Variants in DHRS9 observed in about 807,000 individuals in gnomAD.
DHRS9 encodes the protein dehydrogenase/reductase 9.
In DHRS9, 18 loss-of-function variants were observed where a neutral mutation model predicts 26.6. That is an observed-to-expected ratio of 0.68 (90% CI 0.47 to 1.00). DHRS9 has a LOEUF of 1.00. Among genes scored for constraint, DHRS9 ranks in the 50% least tolerant of loss-of-function variants. DHRS9 has a pLI of 0.00. For missense variants in DHRS9, 425 were observed against 378.7 expected, an observed-to-expected ratio of 1.12 and a Z score of -1.01; for synonymous variants, 134 against 141.1, an observed-to-expected ratio of 0.95 and a Z score of 0.36.
chr2:169,081,191 G>A (rs780132884), intron 1 of DHRS9: 6 of 991,892 alleles, frequency 6.0e-6, no homozygotes, highest in South Asian at 8.6e-5. Flanking sequence ...CCTGATAGAC[G>A]AGTTCACTCC....
intron 3 of DHRS9, among the ~76,000 whole-genome samples, chr2:169,087,554 A>G (rs998763079): frequency 1.3e-5 from 2 of 152,116 alleles, no homozygotes; most frequent in African/African-American, 4.8e-5. Flanking sequence ...CTGAAGCACA[A>G]GGAGTCTCCC....
chr2:169,068,861 G>C (rs1227202689), upstream of DHRS9, among the ~76,000 whole-genome samples: 2 of 152,130 alleles, frequency 1.3e-5, no homozygotes, highest in Non-Finnish European at 2.9e-5. Flanking sequence ...AGGGTGGCAG[G>C]CTAGATTAGC....
upstream of DHRS9, among the ~76,000 whole-genome samples, chr2:169,069,122 C>T (rs1034775482): frequency 1.1e-4 from 16 of 152,058 alleles, no homozygotes; most frequent in African/African-American, 3.4e-4. Context: ...TCTCCTTGCT[C>T]GCCCATCTTA....
intron 3 of DHRS9, among the ~76,000 whole-genome samples, chr2:169,085,178 T>C (rs1373218623): frequency 1.3e-5 from 2 of 152,210 alleles, no homozygotes; most frequent in Non-Finnish European, 2.9e-5. Flanking sequence ...TTCTCTGTCC[T>C]GTTCCATTGG....
At chr2:169,079,638 G>T (rs1684081177) in intron 1 of DHRS9, among the ~76,000 whole-genome samples, 1 of 151,834 alleles carries the variant, frequency 6.6e-6, no homozygotes, top group Non-Finnish European at 1.5e-5. Context: ...TGGATCACCT[G>T]AGGCCAGGAG....
chr2:169,075,823 T>C (rs1397928860), intron 1 of DHRS9, among the ~76,000 whole-genome samples: 1 of 152,206 alleles, frequency 6.6e-6, no homozygotes, highest in Non-Finnish European at 1.5e-5. Context: ...CTGTGTGCCA[T>C]CTCAGGGGGC....
intron 3 of DHRS9, among the ~76,000 whole-genome samples, chr2:169,086,093 T>C (rs1428774402): frequency 6.6e-6 from 1 of 152,058 alleles, no homozygotes; most frequent in African/African-American, 2.4e-5. Flanking sequence ...TCTCTCTCTC[T>C]CCCTCCTCTA....
intron 1 of DHRS9, chr2:169,081,163 A>C (rs972719364): frequency 2.0e-6 from 2 of 1,012,308 alleles, no homozygotes; most frequent in African/African-American, 1.7e-5. Flanking sequence ...GTAAGATTTT[A>C]CTGTGAGGGT....
Position 169,072,712 on chromosome 2 carries a change from CTTTCTTGG to C in DHRS9, c.-60+3002_-60+3009del, listed in dbSNP as rs1210684713. ...TGTATGAAAGACAAAACTAGTTCTCCTTTCTTGGTTTCTTTTGAATCTTTGTGATATGG... is the reference window on the plus strand; with the variant it reads ...TGTATGAAAGACAAAACTAGTTCTCCTTTCTTTTGAATCTTTGTGATATGG... On this transcript the variant is annotated intron_variant, in intron 1 of 4. Transcript: ENST00000674881. The C allele has an allele frequency of 5.3e-6, 5 of 948,060 alleles. No homozygotes were observed. The African/African-American group carries it at 8.9e-5, about 17-fold the overall frequency. The allele number at this position is 948,060 out of a possible 1,614,324, so 58.7% of individuals were successfully genotyped here.
chr2:169,093,887 C>T (rs1684612584), intron 4 of DHRS9, among the ~76,000 whole-genome samples: 1 of 151,950 alleles, frequency 6.6e-6, no homozygotes, highest in Non-Finnish European at 1.5e-5. Context: ...GCCAGTGGGA[C>T]TTGAAGTTGA....
At chr2:169,069,739 ATTTATTCT>A in intron 1 of DHRS9, 22 bp downstream of exon 1, 10 of 985,396 alleles carry the variant, frequency 1.0e-5, no homozygotes, top group Non-Finnish European at 1.2e-5. Context: ...CAGTTTTGTC[ATTTATTCT>A]TTTATTTATC....
chr2:169,079,710 C>G (rs181193362), intron 1 of DHRS9, among the ~76,000 whole-genome samples: 1 of 151,222 alleles, frequency 6.6e-6, no homozygotes, highest in African/African-American at 2.4e-5. Flanking sequence ...AAAAATTAGC[C>G]GGGTGCCTGT....
chr2:169,067,417 G>A (rs16856430), upstream of DHRS9: 216,008 of 1,188,362 alleles, frequency 0.18, 21,108 homozygotes, highest in African/African-American at 0.31. Context: ...ATTTGGAAAG[G>A]GGTGGAGAAG....
chr2:169,072,435 G>T (rs541213172), intron 1 of DHRS9: 1 of 202,240 alleles, frequency 4.9e-6, no homozygotes, highest in Admixed American at 6.5e-5. Flanking sequence ...ACTCTACATT[G>T]CTTATAAAAA....
At chr2:169,083,051 C>G (rs1295642620) in intron 2 of DHRS9, among the ~76,000 whole-genome samples, 3 of 152,186 alleles carry the variant, frequency 2.0e-5, no homozygotes, top group Non-Finnish European at 4.4e-5. Context: ...GATCAATTTA[C>G]TCTACATCTG....
intron 1 of DHRS9, among the ~76,000 whole-genome samples, chr2:169,080,059 T>G (rs79322837): frequency 7.4e-6 from 1 of 134,716 alleles, no homozygotes; most frequent in African/African-American, 2.8e-5. Flanking sequence ...GAAAATAAAG[T>G]CCAAAGTCTA....
intron 3 of DHRS9, among the ~76,000 whole-genome samples, chr2:169,087,945 C>T (rs944088742): frequency 2.6e-5 from 4 of 152,096 alleles, no homozygotes; most frequent in Admixed American, 1.3e-4. Flanking sequence ...GTGGGCTGCG[C>T]GGTCTGGGGC....
At chr2:169,090,443 A>G (rs1034277464) in intron 3 of DHRS9, among the ~76,000 whole-genome samples, 1 of 152,250 alleles carries the variant, frequency 6.6e-6, no homozygotes, top group Non-Finnish European at 1.5e-5. Context: ...TTGGGAAATA[A>G]TCTTTTTTAA....
intron 1 of DHRS9, chr2:169,069,991 T>G (rs188083264): frequency 3.9e-6 from 3 of 760,454 alleles, no homozygotes; most frequent in African/African-American, 1.9e-5. Context: ...ATTCAATTCA[T>G]ATTTTATTTT....
Sources: gnomAD v4.1 joint callset for allele counts (sites outside exome capture counted in the v4.1 genomes callset) on GRCh38, gnomAD v4.1.1 for gene constraint, MANE v1.5 for transcripts, NCBI Gene and HGNC (gene_info 2026-07-23, HGNC 2026-07-21) for gene names.